Variants in ARID1B observed in about 807,000 individuals in gnomAD.
ARID1B encodes the protein AT-rich interactive domain-containing protein 1B.
A neutral mutation model predicts 212.3 loss-of-function variants in ARID1B; 30 were observed. The ratio of observed to expected loss-of-function variants is 0.14; its 90% confidence interval spans 0.11 to 0.19. The LOEUF is 0.19. Among genes scored for constraint, ARID1B ranks in the 10% least tolerant of loss-of-function variants. The pLI is 1.00. For synonymous variants in ARID1B, 1,402 were observed against 1,301.7 expected, an observed-to-expected ratio of 1.08 and a Z score of -1.66; for missense variants, 2,891 against 3,204.0, an observed-to-expected ratio of 0.90 and a Z score of 2.36.
At chr6:157,002,960 C>G (rs1778991904) in intron 4 of ARID1B, among the ~76,000 whole-genome samples, 1 of 152,164 alleles carries the variant, frequency 6.6e-6, no homozygotes, top group African/African-American at 2.4e-5. Flanking sequence ...GAGGAGACAG[C>G]TGAGACCAGA....
chr6:156,897,750 G>C (rs1788602406), intron 2 of ARID1B, among the ~76,000 whole-genome samples: 1 of 152,134 alleles, frequency 6.6e-6, no homozygotes, highest in East Asian at 1.9e-4. Flanking sequence ...GCAGTTTTTG[G>C]CCAAGGACAC....
chr6:157,196,391 T>C (rs2128358435), intron 16 of ARID1B, 76 bp downstream of exon 16: 1 of 1,518,774 alleles, frequency 6.6e-7, no homozygotes, highest in East Asian at 2.3e-5. Context: ...TTCTGAGCCC[T>C]GGCAGCTGAG....
intron 2 of ARID1B, among the ~76,000 whole-genome samples, chr6:156,834,970 C>A (rs1783399939): frequency 6.6e-6 from 1 of 152,126 alleles, no homozygotes. Context: ...CGCGGTGGCT[C>A]ACGCCTGTAA....
At chr6:157,162,579 A>G (rs1263462182) in intron 8 of ARID1B, among the ~76,000 whole-genome samples, 1 of 152,222 alleles carries the variant, frequency 6.6e-6, no homozygotes, top group Non-Finnish European at 1.5e-5. Context: ...TCTCCCTGTA[A>G]TAACCTGGCT....
At chr6:156,880,997 T>G (rs287872) in intron 2 of ARID1B, among the ~76,000 whole-genome samples, 98,798 of 152,064 alleles carry the variant, frequency 0.65, 33,219 homozygotes, top group African/African-American at 0.83. Flanking sequence ...GGGTTTAGAA[T>G]TCTGTACTGG....
At chr6:157,042,575 T>G (rs1306556202) in intron 4 of ARID1B, among the ~76,000 whole-genome samples, 2 of 152,046 alleles carry the variant, frequency 1.3e-5, no homozygotes, top group East Asian at 3.8e-4. Flanking sequence ...CATATTGTAT[T>G]ACTCTAAAAA....
chr6:156,944,567 A>G (rs1792918924), intron 4 of ARID1B, among the ~76,000 whole-genome samples: 1 of 152,152 alleles, frequency 6.6e-6, no homozygotes, highest in African/African-American at 2.4e-5. Flanking sequence ...ATAAATGAAA[A>G]AGCTGCAGGA....
intron 6 of ARID1B, among the ~76,000 whole-genome samples, chr6:157,120,453 G>A (rs1454151421): frequency 6.6e-6 from 1 of 152,192 alleles, no homozygotes; most frequent in Non-Finnish European, 1.5e-5. Context: ...TGTGGCGCGG[G>A]GGGCCTGGGT....
intron 1 of ARID1B, among the ~76,000 whole-genome samples, chr6:156,802,178 GTTAGA>G (rs945708447): frequency 6.6e-5 from 10 of 152,210 alleles, no homozygotes; most frequent in Non-Finnish European, 1.3e-4. Flanking sequence ...TTCTGAAAGT[GTTAGA>G]TTATAGTGTT....
rs2114998761 is a variant in ARID1B at position 156,779,202 on chromosome 6, T to C, written c.1522T>C (p.Ser508Pro). 1 of 1,297,920 alleles carries C rather than the reference T, an allele frequency of 7.7e-7. No individual in the cohort carries two copies. Among genetic ancestry groups the C allele is most frequent in the Admixed American group, 2.6e-5 (1 of 39,110 alleles). The allele number at this position is 1,297,920 out of a possible 1,614,324, so 80.4% of individuals were successfully genotyped here. A position where few individuals can be genotyped will look rare whatever the true frequency, so the allele number is the denominator to read the frequency against. The change falls in exon 1 of 20, where the codon TCG becomes CCG. Residue 508 changes from serine to proline, a missense_variant. By Grantham distance (74) the Ser-to-Pro change is moderately conservative. This residue lies in a region of ARID1B where 1,643 missense variants were observed against 1,544.0 expected (regional missense o/e 1.06). Transcript: ENST00000636930. ...CCCGACCCTCAATCAGCTGCTCACC[T>C]CGCCCAGCCCCATGATGCGGAGCTA... Reference protein sequence around the residue: ...ATPTLNQLLTSPSPMMRSYGG... With the variant: ...ATPTLNQLLTPPSPMMRSYGG...
intron 4 of ARID1B, among the ~76,000 whole-genome samples, chr6:157,074,986 G>A (rs1308158633): frequency 2.0e-5 from 3 of 152,110 alleles, no homozygotes; most frequent in African/African-American, 7.2e-5. Context: ...TATTGGCATT[G>A]GAAGTTTCTT....
chr6:156,915,062 C>CT (rs746187131), intron 3 of ARID1B, among the ~76,000 whole-genome samples: 41 of 152,186 alleles, frequency 2.7e-4, no homozygotes, highest in Non-Finnish European at 3.7e-4. Context: ...TTCAAAAAAT[C>CT]TTTTTTATTT....
intron 6 of ARID1B, among the ~76,000 whole-genome samples, chr6:157,125,106 G>A (rs1404500955): frequency 6.6e-6 from 1 of 152,182 alleles, no homozygotes; most frequent in Non-Finnish European, 1.5e-5. Flanking sequence ...AGACTCGTGT[G>A]CTGGGCTAAG....
chr6:156,814,957 CTATTAAA>C (rs1297859516), intron 1 of ARID1B, among the ~76,000 whole-genome samples: 2 of 152,006 alleles, frequency 1.3e-5, no homozygotes, highest in African/African-American at 2.4e-5. Flanking sequence ...TATCAATAGA[CTATTAAA>C]TATTAAATAG....
At chr6:156,931,252 A>AT in intron 3 of ARID1B, among the ~76,000 whole-genome samples, 1 of 151,372 alleles carries the variant, frequency 6.6e-6, no homozygotes, top group Non-Finnish European at 1.5e-5. Flanking sequence ...TCCCTTTTTA[A>AT]TTTTTTAAAA....
At chr6:156,813,108 A>T (rs113966515) in intron 1 of ARID1B, among the ~76,000 whole-genome samples, 3,628 of 105,478 alleles carry the variant, frequency 0.034, 85 homozygotes, top group Non-Finnish European at 0.049. Context: ...ATATATATAT[A>T]TTTTTTTTTT....
rs529582124 is a variant in ARID1B at position 156,935,847 on chromosome 6, T to C, written c.2247+271T>C. ...GTCGATTTTGTGTGCAGGTGGTTATTGCTGTTGTACAGTTGAGCTTTCTTT... is the reference window on the plus strand; with the variant it reads ...GTCGATTTTGTGTGCAGGTGGTTATCGCTGTTGTACAGTTGAGCTTTCTTT... On this transcript the variant is annotated intron_variant, in intron 4 of 19. Coordinates refer to ENST00000636930, the MANE Select transcript of ARID1B (RefSeq NM_001374828.1). 2.7e-5 allele frequency: 10 copies of C among 377,180 alleles called. No homozygotes were observed. The South Asian group carries it at 2.9e-4, about 11-fold the overall frequency. The allele number at this position is 377,180 out of a possible 1,614,324, so 23.4% of individuals were successfully genotyped here.
At chr6:156,894,446 A>G (rs12205803) in intron 2 of ARID1B, among the ~76,000 whole-genome samples, 34,727 of 152,108 alleles carry the variant, frequency 0.23, 4,037 homozygotes, top group Non-Finnish European at 0.25. Flanking sequence ...ATTGAACTGT[A>G]TACTTCAAAT....
chr6:157,191,934 A>G lies in ARID1B; in HGVS notation c.4231+1724A>G, dbSNP rs145761660. Among the ~76,000 whole-genome samples the G allele has an allele frequency of 5.1e-3, 782 of 152,354 alleles. 6 individuals carry two copies. Among genetic ancestry groups the G allele is most frequent in the African/African-American group, 0.018 (740 of 41,576 alleles). ...TTTTCATATGTATTATAGACCAATG[A>G]AAAAGAACAATGGAGAGTCTTTAAA... On this transcript the variant is annotated intron_variant, in intron 15 of 19. Coordinates refer to ENST00000636930, the MANE Select transcript of ARID1B (RefSeq NM_001374828.1).
Sources: allele counts gnomAD v4.1 joint callset (sites outside exome capture counted in the v4.1 genomes callset), GRCh38; gene constraint gnomAD v4.1.1; regional missense constraint gnomAD v4.1.1; transcripts MANE v1.5; gene names NCBI Gene and HGNC (gene_info 2026-07-23, HGNC 2026-07-21).